Variants in TDRD3 observed in about 807,000 individuals in gnomAD.
TDRD3 encodes the protein tudor domain-containing protein 3.
In TDRD3, 45 loss-of-function variants were observed where a neutral mutation model predicts 86.7. The observed-to-expected ratio is 0.52, with a 90% CI of 0.41 to 0.67. The LOEUF is 0.67. TDRD3 is among the 30% of genes least tolerant of loss of function. The probability of loss-of-function intolerance (pLI) is 0.00; values close to 1 mark genes in which losing one functional copy is unlikely to be tolerated. For missense variants in TDRD3, 814 were observed against 889.0 expected, an observed-to-expected ratio of 0.92 and a Z score of 1.07; for synonymous variants, 298 against 301.7, an observed-to-expected ratio of 0.99 and a Z score of 0.13.
At chr13:60,484,881 A>G in intron 6 of TDRD3, 1 of 286,110 alleles carries the variant, frequency 3.5e-6, no homozygotes, top group Non-Finnish European at 6.9e-6. Context: ...TGGTGATAAT[A>G]TTTCTCTTCC....
At position 60,434,601 on chromosome 13, in the gene TDRD3, C is replaced by T. The variant is rs375992433; in HGVS notation, c.42-5087C>T. On this transcript the variant is annotated intron_variant, in intron 1 of 13. Transcript: ENST00000377881. ...AGAAATTTAGCCTTTTAATGCCCTG[C>T]TTGTCAGTAAAATGTATTCAGATGT... Among the ~76,000 whole-genome samples the T allele has an allele frequency of 2.0e-5, 3 of 151,738 alleles. No individual in the cohort carries two copies. The East Asian group carries it at 5.8e-4, about 29-fold the overall frequency.
intron 11 of TDRD3, among the ~76,000 whole-genome samples, chr13:60,534,188 C>A (rs558123275): frequency 3.6e-4 from 55 of 152,244 alleles, no homozygotes; most frequent in Middle Eastern, 6.8e-3. Context: ...TTGTATGCAC[C>A]TGTAGACCCA....
chr13:60,519,483 A>G (rs1253731635), intron 10 of TDRD3, among the ~76,000 whole-genome samples: 1 of 152,220 alleles, frequency 6.6e-6, no homozygotes, highest in Non-Finnish European at 1.5e-5. Flanking sequence ...TTATCTAAGT[A>G]GCTAAATTAC....
intron 1 of TDRD3, among the ~76,000 whole-genome samples, chr13:60,438,919 T>C (rs372807465): frequency 2.0e-5 from 3 of 152,244 alleles, no homozygotes; most frequent in South Asian, 4.1e-4. Context: ...TTTTTACAAG[T>C]GGATTTTTGA....
chr13:60,493,057 T>G (rs1368607771), intron 7 of TDRD3, among the ~76,000 whole-genome samples: 3 of 151,370 alleles, frequency 2.0e-5, no homozygotes, highest in Non-Finnish European at 4.4e-5. Context: ...TAGCTGGGAC[T>G]ACAGGCGCCC....
intron 10 of TDRD3, among the ~76,000 whole-genome samples, chr13:60,517,764 C>G (rs1458881042): frequency 6.6e-6 from 1 of 152,164 alleles, no homozygotes; most frequent in Non-Finnish European, 1.5e-5. Flanking sequence ...TTGTGGACAA[C>G]TTGTTACCTT....
At chr13:60,401,176 C>G (rs1954089750) in intron 1 of TDRD3, among the ~76,000 whole-genome samples, 1 of 151,788 alleles carries the variant, frequency 6.6e-6, no homozygotes, top group African/African-American at 2.4e-5. Context: ...TACAGTTGGC[C>G]CTCCATATCT....
At chr13:60,522,765 T>C (rs1371314055) in intron 10 of TDRD3, among the ~76,000 whole-genome samples, 1 of 152,242 alleles carries the variant, frequency 6.6e-6, no homozygotes, top group Admixed American at 6.5e-5. Context: ...AGCGTCCAAA[T>C]GTATTTTTCA....
chr13:60,523,777 A>G (rs1957343520), intron 10 of TDRD3, among the ~76,000 whole-genome samples: 2 of 151,688 alleles, frequency 1.3e-5, no homozygotes, highest in Admixed American at 6.6e-5. Flanking sequence ...GGGTTTCACC[A>G]TGTTGGCCAG....
rs1955878158 is a variant in TDRD3 at position 60,464,625 on chromosome 13, A to G, written c.354-2613A>G. On this transcript the variant is annotated intron_variant, in intron 4 of 13. Transcript: ENST00000377881. ...ATACACTGGAATATTATTCCGCCAT[A>G]AAAAAGAATGAAATCTTGTCATTTG... 2.0e-5 allele frequency among the ~76,000 whole-genome samples: 3 copies of G among 152,132 alleles called. No homozygotes were observed. The South Asian group carries it at 6.2e-4, about 32-fold the overall frequency.
intron 6 of TDRD3, chr13:60,484,897 C>G (rs1956395292): frequency 3.7e-6 from 1 of 273,176 alleles, no homozygotes; most frequent in African/African-American, 2.3e-5. Context: ...CTTCCAGAGA[C>G]TTATGATCTA....
intron 12 of TDRD3, among the ~76,000 whole-genome samples, chr13:60,551,343 T>G (rs1958048611): frequency 6.6e-6 from 1 of 152,230 alleles, no homozygotes; most frequent in Non-Finnish European, 1.5e-5. Context: ...AGTAAACATT[T>G]TGTTAGGTCA....
chr13:60,493,418 T>G (rs1179455929), intron 7 of TDRD3, among the ~76,000 whole-genome samples: 2 of 152,002 alleles, frequency 1.3e-5, no homozygotes, highest in East Asian at 3.9e-4. Context: ...CTTCAGCACT[T>G]TGGGAGGGCA....
intron 10 of TDRD3, among the ~76,000 whole-genome samples, chr13:60,516,737 A>G (rs1595056245): frequency 6.6e-6 from 1 of 152,230 alleles, no homozygotes; most frequent in Non-Finnish European, 1.5e-5. Context: ...GGCATCAGCA[A>G]CAGCAGCAGA....
Position 60,528,774 on chromosome 13 carries a change from A to G in TDRD3, c.1549A>G (p.Lys517Glu). The change falls in exon 11 of 14, where the codon AAA becomes GAA. Residue 517 changes from lysine to glutamate, a missense_variant. Physicochemically the swap from Lys to Glu is moderately conservative, Grantham distance 56. Transcript: ENST00000377881. ...AAAAGGTCCCTCCTTTGCAGAGGCA[A>G]AAGAAAATCCACTTCCTCAAGGATC... is the stretch of plus-strand genomic sequence containing the variant. ...SGKGPSFAEA[K>E]ENPLPQGSVD... 1 of 1,613,664 alleles carries G rather than the reference A, an allele frequency of 6.2e-7. No homozygotes were observed. The highest frequency in any genetic ancestry group is 8.5e-7 in the Non-Finnish European group (1 of 1,179,868).
intron 7 of TDRD3, among the ~76,000 whole-genome samples, chr13:60,493,183 G>A (rs1038561104): frequency 6.6e-6 from 1 of 151,548 alleles, no homozygotes; most frequent in Non-Finnish European, 1.5e-5. Flanking sequence ...CTCCCAAAGT[G>A]CTAGGATTAC....
rs746493835 is a variant in TDRD3 at position 60,483,815 on chromosome 13, G to A, written c.536G>A (p.Gly179Asp). The change falls in exon 6 of 14, where the codon GGT (glycine) becomes GAT (aspartate). Residue 179 changes from glycine (G) to aspartate (D), a missense_variant. Transcript: ENST00000377881. ...AATAGAAGCAATATTGGAACTGAAG[G>A]TGGACCACCGCCTTTTGTGCCTTTT... ...KHNRSNIGTE[G>D]GPPPFVPFGQ... 4.3e-6 allele frequency: 7 copies of A among 1,613,442 alleles called. No homozygotes were observed. The highest frequency in any genetic ancestry group is 5.9e-6 in the Non-Finnish European group (7 of 1,179,612).
At chr13:60,507,263 AC>A (rs1032842753) in intron 8 of TDRD3, among the ~76,000 whole-genome samples, 19 of 152,116 alleles carry the variant, frequency 1.2e-4, no homozygotes, top group African/African-American at 4.6e-4. Flanking sequence ...AGACTTTAAC[AC>A]CCCACTGTCA....
chr13:60,489,126 C>T (rs1250371270), intron 7 of TDRD3, among the ~76,000 whole-genome samples: 1 of 152,056 alleles, frequency 6.6e-6, no homozygotes, highest in Non-Finnish European at 1.5e-5. Context: ...AAAATCTTTG[C>T]CCAGACCAAC....
Sources: allele counts gnomAD v4.1 joint callset (sites outside exome capture counted in the v4.1 genomes callset), GRCh38; gene constraint gnomAD v4.1.1; transcripts MANE v1.5; gene names NCBI Gene and HGNC (gene_info 2026-07-23, HGNC 2026-07-21).